The following CHCHD2 variants were observed in gnomAD, a reference collection of about 807,000 sequenced individuals.
CHCHD2 encodes the protein coiled-coil-helix-coiled-coil-helix domain-containing protein 2.
CHCHD2 carries 17 observed loss-of-function variants against 17.5 expected under a neutral mutation model. The ratio of observed to expected loss-of-function variants is 0.97; its 90% CI spans 0.67 to 1.46. CHCHD2 has a LOEUF of 1.46. Ranked by LOEUF, CHCHD2 falls within the 40% of genes most tolerant of loss-of-function variation. The pLI is 0.00. For missense variants in CHCHD2, 175 were observed against 199.9 expected, an observed-to-expected ratio of 0.88 and a Z score of 0.75; for synonymous variants, 63 against 74.3, an observed-to-expected ratio of 0.85 and a Z score of 0.78.
In CHCHD2 at chr7:56,104,433, G is replaced by C. The variant is rs2331183; in HGVS notation, c.93C>G (p.Val31=). ...QMRAAPRPAP[V]AQPPAAAPPS... ...GGGGTGCCGCTGCTGGTGGCTGAGC[G>C]ACTGGTGCTGGCCTGGGTGCAGCTC... The change falls in exon 2 of 4, where the codon GTC becomes GTG. Residue 31 remains valine (V), a synonymous_variant. Coordinates refer to ENST00000395422, the MANE Select transcript of CHCHD2 (RefSeq NM_016139.4). 6.2e-7 allele frequency: 1 copy of C among 1,609,744 alleles called. No individual in the cohort carries two copies. Among genetic ancestry groups the C allele is most frequent in the African/African-American group, 1.3e-5 (1 of 74,898 alleles).
intron 3 of CHCHD2, 40 bp from the exon 4 acceptor site, chr7:56,101,901 C>A (rs199560793): frequency 6.2e-7 from 1 of 1,600,412 alleles, no homozygotes; most frequent in Non-Finnish European, 8.6e-7. Context: ...ATGCTAGCTT[C>A]GTATACTCAA....
rs537049598 is a variant in CHCHD2, at chr7:56,101,981, T to G, written c.446-120A>C. On this transcript the variant is annotated intron_variant, in intron 3 of 3. Coordinates refer to ENST00000395422, the MANE Select transcript of CHCHD2 (RefSeq NM_016139.4). ...AAGGCTATGGGTTTTTTGTTTTTTG[T>G]TTTTTTTTGATAAAAAATAGAGATG... is the stretch of plus-strand genomic sequence containing the variant. The G allele has an allele frequency of 6.0e-3, 5,569 of 928,490 alleles. 20 individuals carry two copies. The highest frequency in any genetic ancestry group is 7.6e-3 in the Non-Finnish European group (4,634 of 606,136). The allele number at this position is 928,490 out of a possible 1,614,324, so 57.5% of individuals were successfully genotyped here.
chr7:56,102,094 G>A (rs1254168991), intron 3 of CHCHD2, among the ~76,000 whole-genome samples: 1 of 151,814 alleles, frequency 6.6e-6, no homozygotes, highest in East Asian at 2.0e-4. Flanking sequence ...TGGGTTCCAG[G>A]AAGGTTATGG....
chr7:56,106,421 A>ACGCGGC lies in CHCHD2; in HGVS notation c.-9_-8insGCCGCG. The ACGCGGC allele has an allele frequency of 6.2e-7, 1 of 1,613,370 alleles. No individual in the cohort carries two copies. The highest frequency in any genetic ancestry group is 8.5e-7 in the Non-Finnish European group (1 of 1,179,592). ...TCGGCTTCCACGCGGCATCCTAGGT[A>ACGCGGC]AGCGACGGCTAGGCCTCCGGACGTG... On this transcript the variant is annotated 5_prime_UTR_variant, in exon 1 of 4. Transcript: ENST00000395422.
rs1251872052 is a variant in CHCHD2, at chr7:56,103,029, T to C, written c.301-18A>G. 8 of 1,613,878 alleles carry C rather than the reference T, an allele frequency of 5.0e-6. No homozygotes were observed. In the African/African-American group the frequency reaches 5.3e-5, roughly 11 times the overall value. On this transcript the variant is annotated intron_variant, in intron 2 of 3. Coordinates refer to ENST00000395422, the MANE Select transcript of CHCHD2 (RefSeq NM_016139.4). ...TGAGGCTCCTGCAAAGGCAAAACAT[T>C]CAACATTGCTGAGAAAGAAAATCAT...
intron 1 of CHCHD2, 76 bp downstream of exon 1, chr7:56,106,288 C>G (rs1335098315): frequency 1.2e-5 from 17 of 1,427,248 alleles, no homozygotes; most frequent in East Asian, 7.6e-5. Flanking sequence ...CCCCCGCCCG[C>G]GGCCTCCCTC....
At position 56,102,103 on chromosome 7, in the gene CHCHD2, G is replaced by A. The variant is rs368905217; in HGVS notation, c.446-242C>T. On this transcript the variant is annotated intron_variant, in intron 3 of 3. Transcript: ENST00000395422. ...GAGTGCTGGGTTCCAGGAAGGTTATGGTTTTGTTTGTAAGCTACTGAAGGC... is the reference window on the plus strand; with the variant it reads ...GAGTGCTGGGTTCCAGGAAGGTTATAGTTTTGTTTGTAAGCTACTGAAGGC... Among the ~76,000 whole-genome samples, 290 of 151,962 alleles carry A rather than the reference G, an allele frequency of 1.9e-3. 5 individuals carry two copies. The highest frequency in any genetic ancestry group is 3.4e-3 in the Middle Eastern group (1 of 290).
intron 1 of CHCHD2, among the ~76,000 whole-genome samples, chr7:56,105,967 A>G (rs904155035): frequency 1.3e-5 from 2 of 152,132 alleles, no homozygotes; most frequent in African/African-American, 4.8e-5. Context: ...GCTTTCAACA[A>G]TTTCGAGACC....
chr7:56,103,051 T>C (rs747831322), intron 2 of CHCHD2, 40 bp from the exon 3 acceptor site: 1 of 1,611,100 alleles, frequency 6.2e-7, no homozygotes, highest in Non-Finnish European at 8.5e-7. Flanking sequence ...AGAAAGAAAA[T>C]CATACTTATG....
chr7:56,102,893 A>G lies in CHCHD2; in HGVS notation c.419T>C (p.Val140Ala), dbSNP rs1785314177. 6.2e-7 allele frequency: 1 copy of G among 1,613,928 alleles called. No homozygotes were observed. Among genetic ancestry groups the G allele is most frequent in the Non-Finnish European group, 8.5e-7 (1 of 1,179,880 alleles). Residue 140 changes from valine (V) to alanine (A), a missense_variant, in exon 3 of 4, where the codon GTG (valine) becomes GCG (alanine). By Grantham distance (64) the Val-to-Ala change is moderately conservative. Transcript: ENST00000395422. ...GTTTGCAAGTCGGCACTGTTTCAGC[A>G]CCTCATTGAAACCCTCACAGAGCTT... Reference protein sequence around the residue: ...DIKLCEGFNEVLKQCRLANGL... With the variant: ...DIKLCEGFNEALKQCRLANGL...
chr7:56,102,003 G>C, intron 3 of CHCHD2, 142 bp from the exon 4 acceptor site: 2 of 788,224 alleles, frequency 2.5e-6, no homozygotes, highest in Non-Finnish European at 4.2e-6. Context: ...AAAAAATAGA[G>C]ATGAGGTCTT....
chr7:56,103,065 A>C, intron 2 of CHCHD2, 54 bp from the exon 3 acceptor site: 1 of 1,589,618 alleles, frequency 6.3e-7, no homozygotes, highest in Non-Finnish European at 8.6e-7. Context: ...ACTTATGCCT[A>C]GACAATGAAG....
At chr7:56,102,836 T>A in intron 3 of CHCHD2, 31 bp downstream of exon 3, 1 of 1,611,808 alleles carries the variant, frequency 6.2e-7, no homozygotes, top group Non-Finnish European at 8.5e-7. Flanking sequence ...CACTGTGAAT[T>A]AAGCAGATGT....
chr7:56,101,934 A>C, intron 3 of CHCHD2, 73 bp from the exon 4 acceptor site: 1 of 1,461,960 alleles, frequency 6.8e-7, no homozygotes, highest in Non-Finnish European at 9.4e-7. Flanking sequence ...CTTCCAAATT[A>C]TGAAAGCAGC....
chr7:56,105,955 A>G (rs1785375335), intron 1 of CHCHD2, among the ~76,000 whole-genome samples: 1 of 152,202 alleles, frequency 6.6e-6, no homozygotes, highest in African/African-American at 2.4e-5. Context: ...CAACGTTCAG[A>G]TGCTTTCAAC....
intron 1 of CHCHD2, among the ~76,000 whole-genome samples, chr7:56,104,806 A>G (rs184974346): frequency 2.0e-5 from 3 of 151,930 alleles, no homozygotes; most frequent in African/African-American, 4.8e-5. Context: ...ACGAGGTTTC[A>G]CTATGGTGAC....
Position 56,106,415 on chromosome 7 carries a change from C to A in CHCHD2, c.-2G>T. ...GCGGCTTCGGCTTCCACGCGGCATC[C>A]TAGGTAAGCGACGGCTAGGCCTCCG... On this transcript the variant is annotated 5_prime_UTR_variant, in exon 1 of 4. The change creates a new upstream start codon in the 5' untranslated region. Coordinates refer to ENST00000395422, the MANE Select transcript of CHCHD2 (RefSeq NM_016139.4). The A allele has an allele frequency of 6.2e-7, 1 of 1,613,606 alleles. No individual in the cohort carries two copies. Among genetic ancestry groups the A allele is most frequent in the Non-Finnish European group, 8.5e-7 (1 of 1,179,778 alleles).
At chr7:56,104,086 G>T in intron 2 of CHCHD2, 140 bp downstream of exon 2, 1 of 1,116,972 alleles carries the variant, frequency 9.0e-7, no homozygotes, top group Non-Finnish European at 1.3e-6. Context: ...ACGGCCAAAT[G>T]TGGCTTTAAA....
chr7:56,103,593 C>T (rs1352037660), intron 2 of CHCHD2, among the ~76,000 whole-genome samples: 1 of 152,106 alleles, frequency 6.6e-6, no homozygotes, highest in Non-Finnish European at 1.5e-5. Context: ...CGTTCCCAGC[C>T]AAAAGTGAAA....
Sources: gnomAD v4.1 joint callset for allele counts (sites outside exome capture counted in the v4.1 genomes callset) on GRCh38, gnomAD v4.1.1 for gene constraint, MANE v1.5 for transcripts, NCBI Gene and HGNC (gene_info 2026-07-23, HGNC 2026-07-21) for gene names.